Variants in SPOCK3 observed in about 807,000 individuals in gnomAD.
SPOCK3 encodes testican-3.
Under a neutral mutation model 56.6 loss-of-function variants are expected in SPOCK3, and 30 were observed. That is an observed-to-expected ratio of 0.53 (90% confidence interval 0.40 to 0.72). The LOEUF is 0.72. SPOCK3 is among the 30% of genes least tolerant of loss of function. The pLI is 0.00. For missense variants in SPOCK3, 527 were observed against 530.0 expected (o/e 0.99, Z 0.06); for synonymous variants, 196 against 183.3 (o/e 1.07, Z -0.56).
intron 2 of SPOCK3, among the ~76,000 whole-genome samples, chr4:167,231,948 G>A (rs912134388): frequency 3.3e-5 from 5 of 152,032 alleles, no homozygotes. Flanking sequence ...TTTAGGTGTT[G>A]CATATACTTC....
intron 8 of SPOCK3, among the ~76,000 whole-genome samples, chr4:166,751,569 A>T (rs1432392909): frequency 6.6e-6 from 1 of 152,200 alleles, no homozygotes; most frequent in Non-Finnish European, 1.5e-5. Context: ...GTTATTGAAT[A>T]TGAATAAACT....
intron 2 of SPOCK3, among the ~76,000 whole-genome samples, chr4:167,186,573 G>T (rs1731980664): frequency 6.6e-6 from 1 of 152,062 alleles, no homozygotes; most frequent in Admixed American, 6.5e-5. Flanking sequence ...GTTGCAGTGA[G>T]CCGAGATCAT....
intron 2 of SPOCK3, among the ~76,000 whole-genome samples, chr4:167,145,750 A>C (rs1763891898): frequency 6.6e-6 from 1 of 152,200 alleles, no homozygotes; most frequent in Non-Finnish European, 1.5e-5. Flanking sequence ...TTTACAGACA[A>C]GCAAATGCTG....
chr4:166,917,523 A>G (rs1262132296), intron 4 of SPOCK3, among the ~76,000 whole-genome samples: 1 of 152,186 alleles, frequency 6.6e-6, no homozygotes, highest in East Asian at 1.9e-4. Flanking sequence ...GAGTAAATGT[A>G]TGACTTTCAG....
At chr4:166,896,045 A>T (rs1480853368) in intron 5 of SPOCK3, among the ~76,000 whole-genome samples, 1 of 152,150 alleles carries the variant, frequency 6.6e-6, no homozygotes, top group East Asian at 1.9e-4. Flanking sequence ...ATGGTGGCAT[A>T]GCGAAGAGGA....
intron 4 of SPOCK3, among the ~76,000 whole-genome samples, chr4:166,930,401 C>T (rs536715692): frequency 6.6e-6 from 1 of 151,936 alleles, no homozygotes; most frequent in Admixed American, 6.6e-5. Context: ...GTAGTTTCCT[C>T]TGTCATTATA....
chr4:166,959,985 T>C (rs972243130), intron 4 of SPOCK3, among the ~76,000 whole-genome samples: 3 of 152,136 alleles, frequency 2.0e-5, no homozygotes, highest in Admixed American at 6.6e-5. Flanking sequence ...TTACTCTAAT[T>C]AGATTTAATG....
chr4:167,147,534 G>T (rs970554552), intron 2 of SPOCK3, among the ~76,000 whole-genome samples: 1 of 152,084 alleles, frequency 6.6e-6, no homozygotes, highest in Admixed American at 6.6e-5. Context: ...GACACTGTTC[G>T]CAATAATGAA....
intron 2 of SPOCK3, among the ~76,000 whole-genome samples, chr4:167,225,111 C>A (rs1197154102): frequency 6.6e-6 from 1 of 152,106 alleles, no homozygotes; most frequent in Non-Finnish European, 1.5e-5. Flanking sequence ...CCAAAATATA[C>A]AAGCCACATA....
At position 166,992,552 on chromosome 4, in the gene SPOCK3, C is replaced by T. The variant is rs376026630; in HGVS notation, c.350+7797G>A. Among the ~76,000 whole-genome samples the T allele has an allele frequency of 1.6e-4, 24 of 152,236 alleles. 1 individual carries two copies. In the East Asian group the frequency reaches 1.7e-3, roughly 11 times the overall value. ...TAGAGTTTTTCTTTTATATGAAAGGCACCTACTACATATTTGTGTAAATAC... is the reference window on the plus strand; with the variant it reads ...TAGAGTTTTTCTTTTATATGAAAGGTACCTACTACATATTTGTGTAAATAC... On this transcript the variant is annotated intron_variant, in intron 4 of 10. Coordinates refer to ENST00000357545, the MANE Select transcript of SPOCK3 (RefSeq NM_001040159.2).
chr4:167,056,348 G>C (rs1754863013), intron 3 of SPOCK3, among the ~76,000 whole-genome samples: 1 of 152,166 alleles, frequency 6.6e-6, no homozygotes, highest in Non-Finnish European at 1.5e-5. Flanking sequence ...AAACAGAGCA[G>C]AAAAACTGGA....
At chr4:167,172,104 G>A (rs1049775318) in intron 2 of SPOCK3, among the ~76,000 whole-genome samples, 3 of 152,136 alleles carry the variant, frequency 2.0e-5, no homozygotes, top group Admixed American at 6.6e-5. Flanking sequence ...GTCTGTGCAG[G>A]CCAGCCTGGA....
At chr4:167,098,352 T>C (rs1009303669) in intron 2 of SPOCK3, among the ~76,000 whole-genome samples, 4 of 151,918 alleles carry the variant, frequency 2.6e-5, no homozygotes, top group African/African-American at 4.8e-5. Flanking sequence ...AATCTCTGCC[T>C]AGTCTTCATT....
intron 6 of SPOCK3, among the ~76,000 whole-genome samples, chr4:166,852,088 A>G (rs1335256018): frequency 9.2e-5 from 14 of 151,454 alleles, no homozygotes; most frequent in Admixed American, 9.2e-4. Context: ...ATAGGTGGGA[A>G]TTGAACAATG....
chr4:167,120,908 T>A (rs1360313036), intron 2 of SPOCK3, among the ~76,000 whole-genome samples: 1 of 151,926 alleles, frequency 6.6e-6, no homozygotes, highest in Non-Finnish European at 1.5e-5. Context: ...TTGGGTAACA[T>A]CATAGTTTGA....
intron 6 of SPOCK3, among the ~76,000 whole-genome samples, chr4:166,872,108 T>C (rs1359206260): frequency 6.6e-6 from 1 of 151,282 alleles, no homozygotes; most frequent in East Asian, 1.9e-4. Context: ...ATTTTAATTA[T>C]GACAAACTGA....
At chr4:166,853,124 A>G (rs2126880165) in intron 6 of SPOCK3, among the ~76,000 whole-genome samples, 2 of 152,322 alleles carry the variant, frequency 1.3e-5, no homozygotes, top group South Asian at 4.1e-4. Flanking sequence ...AAAATCTAAA[A>G]TTTGATGTCA....
chr4:167,053,094 T>C (rs1014096572), intron 3 of SPOCK3, among the ~76,000 whole-genome samples: 1 of 152,154 alleles, frequency 6.6e-6, no homozygotes, highest in African/African-American at 2.4e-5. Context: ...TGTGAGACGT[T>C]TTGCAAATGG....
intron 3 of SPOCK3, among the ~76,000 whole-genome samples, chr4:167,039,755 G>A (rs1046541595): frequency 6.6e-6 from 1 of 151,796 alleles, no homozygotes; most frequent in South Asian, 2.1e-4. Context: ...TAATATTTCG[G>A]AATAAAAGGT....
Sources: gnomAD v4.1 joint callset for allele counts (sites outside exome capture counted in the v4.1 genomes callset) on GRCh38, gnomAD v4.1.1 for gene constraint, MANE v1.5 for transcripts, NCBI Gene and HGNC (gene_info 2026-07-23, HGNC 2026-07-21) for gene names.